MAEL: variants seen among roughly 807,000 people sequenced by gnomAD.
The protein encoded by MAEL is protein maelstrom homolog.
A neutral mutation model predicts 62.0 loss-of-function variants in MAEL; 46 were observed. The observed-to-expected ratio is 0.74, with a 90% CI of 0.59 to 0.95. The LOEUF is 0.95. Ranked by LOEUF, MAEL falls within the 40% of genes least tolerant of loss-of-function variation. MAEL has a pLI of 0.00. For missense variants in MAEL, 497 were observed against 526.8 expected (o/e 0.94, Z 0.55); for synonymous variants, 172 against 175.5 (o/e 0.98, Z 0.16).
chr1:166,987,757 G>A (rs541464693), upstream of MAEL, among the ~76,000 whole-genome samples: 1 of 152,242 alleles, frequency 6.6e-6, no homozygotes, highest in Admixed American at 6.5e-5. Flanking sequence ...TATTGAAATG[G>A]TAGTTAAAGG....
In MAEL at chr1:166,989,343, C is replaced by T. The variant is rs748169823; in HGVS notation, c.-10C>T. ...TTCTGTCTGAGGCCAGGAAGTTTGA[C>T]CGCGCTGCCATGCCGAACCGTAAGG... On this transcript the variant is annotated 5_prime_UTR_variant, in exon 1 of 12. Transcript: ENST00000367872. The T allele has an allele frequency of 6.8e-6, 11 of 1,606,802 alleles. No individual in the cohort carries two copies. The South Asian group carries it at 7.8e-5, about 11-fold the overall frequency.
chr1:167,016,782 A>G (rs927435829), intron 9 of MAEL, among the ~76,000 whole-genome samples: 3 of 152,198 alleles, frequency 2.0e-5, no homozygotes, highest in Non-Finnish European at 4.4e-5. Flanking sequence ...ACTTATACAC[A>G]ATAGAGTACT....
chr1:166,987,570 C>G (rs6656999), upstream of MAEL, among the ~76,000 whole-genome samples: 46,561 of 151,990 alleles, frequency 0.31, 8,434 homozygotes, highest in African/African-American at 0.52. Context: ...AAACTGTCAA[C>G]CAGTTGTCCC....
At chr1:166,986,417 G>A (rs1663914720), upstream of MAEL, among the ~76,000 whole-genome samples, 1 of 152,180 alleles carries the variant, frequency 6.6e-6, no homozygotes, top group African/African-American at 2.4e-5. Context: ...GACAGAAGTG[G>A]GACGGTGGTG....
intron 8 of MAEL, among the ~76,000 whole-genome samples, chr1:167,009,076 T>A (rs1317973820): frequency 6.6e-6 from 1 of 152,156 alleles, no homozygotes; most frequent in Middle Eastern, 3.2e-3. Context: ...TTGTATTGTT[T>A]ACATTTTCTT....
chr1:167,000,158 C>T (rs1248634704), intron 5 of MAEL, among the ~76,000 whole-genome samples: 1 of 152,104 alleles, frequency 6.6e-6, no homozygotes, highest in Non-Finnish European at 1.5e-5. Flanking sequence ...TTTTATAAGG[C>T]TATAGCTGTC....
Position 167,004,232 on chromosome 1 carries a change from A to G in MAEL, c.576A>G (p.Gln192=). The G allele has an allele frequency of 6.2e-7, 1 of 1,609,636 alleles. No homozygotes were observed. The highest frequency in any genetic ancestry group is 2.2e-5 in the East Asian group (1 of 44,688). The change falls in exon 6 of 12, where the codon CAA becomes CAG. Residue 192 remains glutamine (Q), a synonymous_variant. Transcript: ENST00000367872. ...CAAATTTTGAACGTGGGCATAACCAAGCAACTGTGTTACAAAACCTTTATA... is the reference window on the plus strand; with the variant it reads ...CAAATTTTGAACGTGGGCATAACCAGGCAACTGTGTTACAAAACCTTTATA... The part of the protein sequence containing the change: ...PISNFERGHN[Q]ATVLQNLYRF...
intron 8 of MAEL, chr1:167,012,486 C>A (rs921468366): frequency 6.6e-6 from 1 of 152,208 alleles, no homozygotes; most frequent in African/African-American, 2.4e-5. Context: ...TTGAGCACCT[C>A]CTCTGTGCCA....
intron 5 of MAEL, among the ~76,000 whole-genome samples, chr1:166,997,810 A>G (rs1664493248): frequency 6.6e-6 from 1 of 152,168 alleles, no homozygotes; most frequent in South Asian, 2.1e-4. Context: ...AATAATCTCT[A>G]TTTCTAAAAA....
chr1:167,006,083 T>A (rs968356973), intron 8 of MAEL: 1 of 152,290 alleles, frequency 6.6e-6, no homozygotes, highest in African/African-American at 2.4e-5. Flanking sequence ...AGGCTTTTAC[T>A]GTGTGAGTGC....
chr1:167,021,251 A>T, intron 11 of MAEL, 91 bp downstream of exon 11: 1 of 888,722 alleles, frequency 1.1e-6, no homozygotes, highest in Non-Finnish European at 1.8e-6. Flanking sequence ...AGTGATATCT[A>T]AATTAGCTTT....
chr1:167,021,576 C>A, intron 11 of MAEL, 92 bp from the exon 12 acceptor site: 1 of 882,002 alleles, frequency 1.1e-6, no homozygotes, highest in Non-Finnish European at 1.7e-6. Context: ...AGTGAAAGGC[C>A]TACAGTAGGA....
At chr1:166,977,897 G>A (rs1291470263) in intron 1 of MAEL, among the ~76,000 whole-genome samples, 5 of 152,204 alleles carry the variant, frequency 3.3e-5, no homozygotes, top group Admixed American at 3.3e-4. Context: ...GCTGCAGTGA[G>A]CTGTGACCAC....
chr1:166,990,017 G>A, intron 2 of MAEL, 188 bp downstream of exon 2: 1 of 578,222 alleles, frequency 1.7e-6, no homozygotes, highest in South Asian at 2.3e-5. Flanking sequence ...TCCACAACTA[G>A]GGCATGCACA....
upstream of MAEL, among the ~76,000 whole-genome samples, chr1:166,988,736 A>C (rs1441878631): frequency 6.6e-6 from 1 of 152,242 alleles, no homozygotes; most frequent in Non-Finnish European, 1.5e-5. Flanking sequence ...CAGTTTTATG[A>C]GGAAATCTAT....
intron 8 of MAEL, among the ~76,000 whole-genome samples, chr1:167,007,329 TTCTA>T (rs993862312): frequency 7.9e-5 from 12 of 152,198 alleles, no homozygotes; most frequent in Non-Finnish European, 1.3e-4. Context: ...CTTCATTGCT[TTCTA>T]TCTAACAGTG....
chr1:166,998,578 G>C (rs1664526496), intron 5 of MAEL, among the ~76,000 whole-genome samples: 1 of 152,152 alleles, frequency 6.6e-6, no homozygotes, highest in East Asian at 1.9e-4. Context: ...AGTACCTCTA[G>C]TTTCTAGTGT....
At chr1:166,979,278 CT>C (rs950041165) in intron 1 of MAEL, among the ~76,000 whole-genome samples, 14 of 151,462 alleles carry the variant, frequency 9.2e-5, no homozygotes, top group African/African-American at 2.9e-4. Context: ...TTTGGTCCAT[CT>C]TTTTTTTTCT....
chr1:167,005,083 A>G lies in MAEL; in HGVS notation c.656A>G (p.Asp219Gly). 6.2e-7 allele frequency: 1 copy of G among 1,613,378 alleles called. No individual in the cohort carries two copies. The highest frequency in any genetic ancestry group is 8.5e-7 in the Non-Finnish European group (1 of 1,179,658). Residue 219 changes from aspartate (D) to glycine (G), a missense_variant, in exon 7 of 12, where the codon GAT (aspartate) becomes GGT (glycine). Transcript: ENST00000367872. ...GTTTTTTGCTTTCTCCAGTCTGATG[A>G]TAGAACCAGAGTCAACTGGTGTTTG... ...NWPPIYCKSD[D>G]RTRVNWCLKH...
Sources: allele counts gnomAD v4.1 joint callset (sites outside exome capture counted in the v4.1 genomes callset), GRCh38; gene constraint gnomAD v4.1.1; transcripts MANE v1.5; gene names NCBI Gene and HGNC (gene_info 2026-07-23, HGNC 2026-07-21).